Variants in CCDC66 observed in about 807,000 individuals in gnomAD.
CCDC66 encodes coiled-coil domain containing 66.
CCDC66 carries 133 observed loss-of-function variants against 128.3 expected under a neutral mutation model. The ratio of observed to expected loss-of-function variants is 1.04; its 90% confidence interval spans 0.90 to 1.20. The LOEUF is 1.20. Ranked by LOEUF, CCDC66 falls within the 50% of genes most tolerant of loss-of-function variation. The pLI is 0.00. For synonymous variants in CCDC66, 387 were observed against 357.0 expected, an observed-to-expected ratio of 1.08 and a Z score of -0.95; for missense variants, 1,126 against 1,075.5, an observed-to-expected ratio of 1.05 and a Z score of -0.66.
At chr3:56,574,036 G>A (rs1172356800) in intron 7 of CCDC66, among the ~76,000 whole-genome samples, 1 of 151,772 alleles carries the variant, frequency 6.6e-6, no homozygotes, top group Non-Finnish European at 1.5e-5. Flanking sequence ...AGAGTTAAAA[G>A]AGTATGATTA....
intron 3 of CCDC66, among the ~76,000 whole-genome samples, chr3:56,560,446 T>G (rs1321840390): frequency 6.6e-6 from 1 of 152,144 alleles, no homozygotes; most frequent in Admixed American, 6.6e-5. Context: ...AAAATTTTTT[T>G]GAGGTTGGGC....
At chr3:56,592,807 CTACT>C (rs2071162065) in intron 7 of CCDC66, among the ~76,000 whole-genome samples, 159 bp from the exon 8 acceptor site, 1 of 152,036 alleles carries the variant, frequency 6.6e-6, no homozygotes, top group Non-Finnish European at 1.5e-5. Context: ...CAGAATATAT[CTACT>C]TAATTCTTTG....
chr3:56,557,607 C>T (rs1021676267), intron 1 of CCDC66: 1 of 298,938 alleles, frequency 3.3e-6, no homozygotes, highest in Admixed American at 4.8e-5. Flanking sequence ...GACTCCTGGC[C>T]CATGCCCCGG....
chr3:56,615,294 T>A, intron 12 of CCDC66, 22 bp downstream of exon 12: 1 of 1,435,184 alleles, frequency 7.0e-7, no homozygotes, highest in South Asian at 1.4e-5. Flanking sequence ...ACCAGAACTT[T>A]ATTTATAATA....
intron 3 of CCDC66, among the ~76,000 whole-genome samples, chr3:56,561,703 C>G (rs1479815129): frequency 6.6e-6 from 1 of 152,144 alleles, no homozygotes. Flanking sequence ...CTATAAACAC[C>G]AAAATCAGTA....
chr3:56,592,673 A>G (rs1387749163), intron 7 of CCDC66, among the ~76,000 whole-genome samples: 1 of 151,942 alleles, frequency 6.6e-6, no homozygotes, highest in African/African-American at 2.4e-5. Flanking sequence ...CTGAATTTTG[A>G]AAGTCTTTTA....
chr3:56,598,676 T>C (rs1419432766), intron 10 of CCDC66, among the ~76,000 whole-genome samples: 3 of 152,158 alleles, frequency 2.0e-5, no homozygotes, highest in Admixed American at 6.5e-5. Context: ...GATGATCATA[T>C]GGTTTTTGTC....
At chr3:56,572,823 A>G (rs2066825621) in intron 7 of CCDC66, 1 of 152,418 alleles carries the variant, frequency 6.6e-6, no homozygotes, top group South Asian at 2.1e-4. Flanking sequence ...TTTTACATTA[A>G]CAAAAGGAAT....
intron 4 of CCDC66, 41 bp downstream of exon 4, chr3:56,564,166 A>G (rs938966971): frequency 1.4e-6 from 2 of 1,478,040 alleles, no homozygotes; most frequent in African/African-American, 2.8e-5. Context: ...TGATTTTTTC[A>G]ATATGTGTTT....
At chr3:56,571,419 T>C in intron 7 of CCDC66, 117 bp downstream of exon 7, 1 of 662,176 alleles carries the variant, frequency 1.5e-6, no homozygotes. Context: ...TTCTCTCTTG[T>C]TGCCCAGGCT....
Position 56,592,958 on chromosome 3 carries a change from G to C in CCDC66, c.937-12G>C. On this transcript the variant is annotated splice_polypyrimidine_tract_variant and intron_variant, in intron 7 of 17. Transcript: ENST00000394672. Reference sequence around the variant, plus strand: ...AACTGAACTTTAGATGGCTTTTATGGCTGTTGTTTAGGAAACAGTACTGCT... The same window carrying C: ...AACTGAACTTTAGATGGCTTTTATGCCTGTTGTTTAGGAAACAGTACTGCT... 1 of 1,600,658 alleles carries C rather than the reference G, an allele frequency of 6.2e-7. No homozygotes were observed. The highest frequency in any genetic ancestry group is 2.2e-5 in the East Asian group (1 of 44,568).
chr3:56,606,998 T>A (rs2074167683), intron 10 of CCDC66, among the ~76,000 whole-genome samples: 2 of 152,250 alleles, frequency 1.3e-5, no homozygotes, highest in African/African-American at 2.4e-5. Flanking sequence ...TCCATTGGTC[T>A]ATGTGCCTAT....
chr3:56,574,361 CAAA>C (rs59285810), intron 7 of CCDC66, among the ~76,000 whole-genome samples: 6 of 126,602 alleles, frequency 4.7e-5, no homozygotes, highest in African/African-American at 1.6e-4. Context: ...GACTCTGTCT[CAAA>C]AAAAAAAAAA....
At chr3:56,591,582 G>A (rs12631156) in intron 7 of CCDC66, among the ~76,000 whole-genome samples, 111,411 of 152,128 alleles carry the variant, frequency 0.73, 41,597 homozygotes, top group Non-Finnish European at 0.81. Flanking sequence ...TGGGCCACAG[G>A]TTGGACAATG....
chr3:56,577,200 G>T (rs936092895), intron 7 of CCDC66, among the ~76,000 whole-genome samples: 15 of 151,718 alleles, frequency 9.9e-5, no homozygotes, highest in Non-Finnish European at 1.5e-5. Context: ...TCATGTGTCT[G>T]TTGGCTGCAT....
intron 14 of CCDC66, 60 bp downstream of exon 14, chr3:56,617,665 C>T: frequency 6.5e-7 from 1 of 1,529,480 alleles, no homozygotes. Flanking sequence ...CACAGTTTCT[C>T]ATACGTATGC....
At position 56,594,393 on chromosome 3, in the gene CCDC66, C is replaced by A. The variant is rs183670798; in HGVS notation, c.1404+365C>A. Among the ~76,000 whole-genome samples, 9 of 151,354 alleles carry A rather than the reference C, an allele frequency of 5.9e-5. 1 individual carries two copies. Among genetic ancestry groups the A allele is most frequent in the Non-Finnish European group, 7.4e-5 (5 of 67,884 alleles). ...TGAACTAGAATTATGACTAAGAAATCTAATGCATAATGGCCGGGCACGGTG... is the reference window on the plus strand; with the variant it reads ...TGAACTAGAATTATGACTAAGAAATATAATGCATAATGGCCGGGCACGGTG... On this transcript the variant is annotated intron_variant, in intron 10 of 17. Transcript: ENST00000394672.
Position 56,571,300 on chromosome 3 carries a change from AG to A in CCDC66, c.936+1del. ...AAAACATCAAATTCTTGACCAATCT[AG>A]GGTAAGACATCTTAATTGCAATTTT... ...WEKHQILDQSRETVLLEHPFS... is the reference protein window; with the variant it reads ...WEKHQILDQSXETVLLEHPFS... On this transcript the variant is annotated frameshift_variant and splice_region_variant, in exon 7 of 18. Coordinates refer to ENST00000394672, the MANE Select transcript of CCDC66 (RefSeq NM_001141947.3). LOFTEE classifies it high-confidence loss of function. 6.7e-7 allele frequency: 1 copy of A among 1,499,988 alleles called. No individual in the cohort carries two copies. The highest frequency in any genetic ancestry group is 1.2e-5 in the South Asian group (1 of 82,348). 92.9% of individuals were successfully genotyped at this position (1,499,988 alleles called of 1,614,324 possible).
At chr3:56,565,945 C>T (rs559609505) in intron 4 of CCDC66, among the ~76,000 whole-genome samples, 5 of 152,290 alleles carry the variant, frequency 3.3e-5, no homozygotes, top group South Asian at 4.1e-4. Context: ...GGATTACAGG[C>T]GTGAGCCACC....
Sources: allele counts gnomAD v4.1 joint callset (sites outside exome capture counted in the v4.1 genomes callset), GRCh38; gene constraint gnomAD v4.1.1; transcripts MANE v1.5; gene names NCBI Gene and HGNC (gene_info 2026-07-23, HGNC 2026-07-21).